LRRC4C: variants seen among roughly 807,000 people sequenced by gnomAD.
LRRC4C encodes leucine rich repeat containing 4C, also known as leucine-rich repeat-containing protein 4C.
A neutral mutation model predicts 33.6 loss-of-function variants in LRRC4C; 5 were observed. The ratio of observed to expected loss-of-function variants is 0.15; its 90% CI spans 0.08 to 0.31. The LOEUF (loss-of-function observed/expected upper bound fraction) is 0.31, where lower values mean the gene tolerates loss of function less well. LRRC4C is among the 10% of genes least tolerant of loss of function. The pLI is 1.00. For missense variants in LRRC4C, 560 were observed against 796.7 expected, an observed-to-expected ratio of 0.70 and a Z score of 3.58; for synonymous variants, 329 against 302.0, an observed-to-expected ratio of 1.09 and a Z score of -0.93.
chr11:40,168,577 C>T (rs1213677241), intron 5 of LRRC4C, among the ~76,000 whole-genome samples: 1 of 152,168 alleles, frequency 6.6e-6, no homozygotes. Flanking sequence ...AGCACAAAGG[C>T]TCCCTGCCTT....
At chr11:40,628,347 G>A (rs1471249398) in intron 3 of LRRC4C, among the ~76,000 whole-genome samples, 1 of 152,056 alleles carries the variant, frequency 6.6e-6, no homozygotes, top group Non-Finnish European at 1.5e-5. Flanking sequence ...GCGTGGTGGC[G>A]GGTGCCTGTA....
In LRRC4C at chr11:40,926,770, C is replaced by T. The variant is rs117506334; in HGVS notation, c.-407+6865G>A. Reference sequence around the variant, plus strand: ...TAGAAGTCTACACAGAAATACTATGCAAACCTTAAAAGTTAAAAAAAAATT... The same window carrying T: ...TAGAAGTCTACACAGAAATACTATGTAAACCTTAAAAGTTAAAAAAAAATT... On this transcript the variant is annotated intron_variant, in intron 2 of 6. Coordinates refer to ENST00000528697, the MANE Select transcript of LRRC4C (RefSeq NM_001258419.2). 5.2e-3 allele frequency among the ~76,000 whole-genome samples: 790 copies of T among 151,806 alleles called. 4 individuals carry two copies. Among genetic ancestry groups the T allele is most frequent in the Non-Finnish European group, 9.1e-3 (616 of 67,924 alleles).
intron 3 of LRRC4C, among the ~76,000 whole-genome samples, chr11:40,559,595 C>A (rs1436053910): frequency 6.6e-6 from 1 of 152,160 alleles, no homozygotes; most frequent in Admixed American, 6.5e-5. Flanking sequence ...AATCACCAAA[C>A]GGCTTTCCAC....
intron 2 of LRRC4C, among the ~76,000 whole-genome samples, chr11:40,763,328 A>T (rs932420578): frequency 1.3e-5 from 2 of 152,066 alleles, no homozygotes; most frequent in African/African-American, 4.8e-5. Context: ...TGATAATCTA[A>T]TAACATTTTT....
At chr11:40,843,305 G>A (rs1215196538) in intron 2 of LRRC4C, among the ~76,000 whole-genome samples, 1 of 152,106 alleles carries the variant, frequency 6.6e-6, no homozygotes, top group Non-Finnish European at 1.5e-5. Context: ...CCAACCCTAT[G>A]TACTAGGTAG....
intron 1 of LRRC4C, among the ~76,000 whole-genome samples, chr11:41,375,453 G>A (rs1373677799): frequency 2.6e-5 from 4 of 152,128 alleles, no homozygotes; most frequent in Admixed American, 2.0e-4. Flanking sequence ...TAGACAAGTT[G>A]TTTTTAAGGG....
chr11:41,077,984 C>T (rs1487589628), intron 1 of LRRC4C, among the ~76,000 whole-genome samples: 8 of 152,174 alleles, frequency 5.3e-5, no homozygotes, highest in Non-Finnish European at 8.8e-5. Context: ...CTCTCAAGTT[C>T]AAAGTTCCAC....
intron 5 of LRRC4C, among the ~76,000 whole-genome samples, chr11:40,174,465 C>T (rs1860303757): frequency 6.6e-6 from 1 of 152,158 alleles, no homozygotes; most frequent in African/African-American, 2.4e-5. Context: ...TTAAAATTAT[C>T]ACTCAAGACT....
chr11:40,724,493 G>C (rs1591555645), intron 2 of LRRC4C, among the ~76,000 whole-genome samples: 1 of 152,054 alleles, frequency 6.6e-6, no homozygotes, highest in Admixed American at 6.5e-5. Context: ...TAAACATCTT[G>C]CTCCTGAATG....
chr11:40,180,377 G>T (rs572990293), intron 5 of LRRC4C, among the ~76,000 whole-genome samples: 1 of 152,182 alleles, frequency 6.6e-6, no homozygotes, highest in East Asian at 1.9e-4. Context: ...CTTTAGTTTA[G>T]AAGCAGACAT....
intron 1 of LRRC4C, among the ~76,000 whole-genome samples, chr11:40,993,412 A>T (rs1253433525): frequency 6.6e-6 from 1 of 152,236 alleles, no homozygotes; most frequent in African/African-American, 2.4e-5. Flanking sequence ...AAAAATTAAG[A>T]AAAGTTCTAG....
In LRRC4C at chr11:40,934,253, T is replaced by C. The variant is rs115982113; in HGVS notation, c.-495-530A>G. ...CAGCTGAAATATGACCTTTTCCCTC[T>C]GAAGTAGCCAATCAAAACTAATCTC... On this transcript the variant is annotated intron_variant, in intron 1 of 6. Coordinates refer to ENST00000528697, the MANE Select transcript of LRRC4C (RefSeq NM_001258419.2). Among the ~76,000 whole-genome samples the C allele has an allele frequency of 5.2e-3, 787 of 152,288 alleles. 10 individuals carry two copies. Among genetic ancestry groups the C allele is most frequent in the African/African-American group, 0.018 (757 of 41,576 alleles).
chr11:41,431,290 A>G (rs1955225606), intron 1 of LRRC4C, among the ~76,000 whole-genome samples: 2 of 152,062 alleles, frequency 1.3e-5, no homozygotes, highest in African/African-American at 4.8e-5. Context: ...AATCTCCAAC[A>G]TAATATACAT....
chr11:41,104,909 G>T (rs1201810960), intron 1 of LRRC4C, among the ~76,000 whole-genome samples: 1 of 151,790 alleles, frequency 6.6e-6, no homozygotes, highest in African/African-American at 2.4e-5. Context: ...ACAGAAAATA[G>T]ACTATTGGTT....
At chr11:40,990,842 C>T (rs1201924383) in intron 1 of LRRC4C, among the ~76,000 whole-genome samples, 2 of 151,922 alleles carry the variant, frequency 1.3e-5, no homozygotes, top group African/African-American at 4.8e-5. Context: ...TTTGAATATA[C>T]ATTTTTTTAA....
intron 1 of LRRC4C, among the ~76,000 whole-genome samples, chr11:40,993,332 C>T (rs1307762384): frequency 6.6e-6 from 1 of 151,970 alleles, no homozygotes; most frequent in Non-Finnish European, 1.5e-5. Context: ...GTTAGATGAT[C>T]TTAGAGGACC....
intron 2 of LRRC4C, among the ~76,000 whole-genome samples, chr11:40,922,340 C>T (rs1370293081): frequency 2.0e-5 from 3 of 152,278 alleles, no homozygotes; most frequent in East Asian, 3.9e-4. Context: ...CCTGAAGTAA[C>T]ATTAAATAAG....
intron 2 of LRRC4C, among the ~76,000 whole-genome samples, chr11:40,666,089 T>C (rs1026831999): frequency 1.3e-5 from 2 of 152,014 alleles, no homozygotes; most frequent in Non-Finnish European, 2.9e-5. Flanking sequence ...TGCCCTTCAA[T>C]TGAAGAATAG....
At chr11:40,313,819 G>T (rs1262974815) in intron 4 of LRRC4C, among the ~76,000 whole-genome samples, 1 of 151,486 alleles carries the variant, frequency 6.6e-6, no homozygotes, top group Non-Finnish European at 1.5e-5. Context: ...TTTCATCCTG[G>T]CTACAGGATG....
Sources: allele counts gnomAD v4.1 joint callset (sites outside exome capture counted in the v4.1 genomes callset), GRCh38; gene constraint gnomAD v4.1.1; transcripts MANE v1.5; gene names NCBI Gene and HGNC (gene_info 2026-07-23, HGNC 2026-07-21).